Variants in C8orf34 observed in about 807,000 individuals in gnomAD.
The protein encoded by C8orf34 is uncharacterized protein C8orf34.
In C8orf34, 65 loss-of-function variants were observed where a neutral mutation model predicts 68.3. The ratio of observed to expected loss-of-function variants is 0.95; its 90% CI spans 0.78 to 1.17. The LOEUF (loss-of-function observed/expected upper bound fraction) is 1.17, where lower values mean the gene tolerates loss of function less well. Ranked by LOEUF, C8orf34 falls within the 50% of genes most tolerant of loss-of-function variation. C8orf34 has a pLI of 0.00. For missense variants in C8orf34, 664 were observed against 655.4 expected (o/e 1.01, Z -0.14); for synonymous variants, 244 against 241.2 (o/e 1.01, Z -0.11).
intron 8 of C8orf34, among the ~76,000 whole-genome samples, chr8:68,679,670 C>G (rs7815405): frequency 0.069 from 10,509 of 152,206 alleles, 501 homozygotes; most frequent in Non-Finnish European, 0.1. Flanking sequence ...TATTACCTAA[C>G]TCCAAATTAT....
intron 10 of C8orf34, among the ~76,000 whole-genome samples, chr8:68,741,198 A>G (rs560959083): frequency 6.6e-6 from 1 of 152,282 alleles, no homozygotes; most frequent in East Asian, 1.9e-4. Flanking sequence ...TATATAACAA[A>G]CCTGCACATG....
chr8:68,779,768 C>T (rs943236092), intron 11 of C8orf34, among the ~76,000 whole-genome samples: 5 of 151,902 alleles, frequency 3.3e-5, no homozygotes, highest in South Asian at 2.1e-4. Context: ...TTATCATTCA[C>T]GAAGGTTTAC....
intron 5 of C8orf34, among the ~76,000 whole-genome samples, chr8:68,489,010 A>T (rs1563480812): frequency 6.6e-6 from 1 of 152,062 alleles, no homozygotes; most frequent in Non-Finnish European, 1.5e-5. Flanking sequence ...AATAGCAGTG[A>T]TTAAACCATT....
At chr8:68,619,152 A>T (rs879888064) in intron 7 of C8orf34, among the ~76,000 whole-genome samples, 2 of 151,936 alleles carry the variant, frequency 1.3e-5, no homozygotes, top group Non-Finnish European at 2.9e-5. Flanking sequence ...ACATGGTGAA[A>T]TCTCATTTAC....
chr8:68,441,529 A>T lies in C8orf34; in HGVS notation c.475+1883A>T, dbSNP rs186019777. Among the ~76,000 whole-genome samples the T allele has an allele frequency of 5.7e-3, 861 of 151,882 alleles. 8 individuals carry two copies. Among genetic ancestry groups the T allele is most frequent in the African/African-American group, 0.02 (833 of 41,412 alleles). On this transcript the variant is annotated intron_variant, in intron 2 of 13. Transcript: ENST00000518698. ...CTTCTTTAAAATGGAGTTGGGGTCT[A>T]GCTCTATTGTCCAGGCTTCAGTGCA... is the stretch of plus-strand genomic sequence containing the variant.
chr8:68,686,065 A>C (rs1227063962), intron 8 of C8orf34, among the ~76,000 whole-genome samples: 1 of 151,868 alleles, frequency 6.6e-6, no homozygotes, highest in Non-Finnish European at 1.5e-5. Context: ...GAAACATACA[A>C]CCCTCCTAGA....
chr8:68,658,017 T>C (rs1312768924), intron 8 of C8orf34, among the ~76,000 whole-genome samples: 1 of 152,232 alleles, frequency 6.6e-6, no homozygotes, highest in Non-Finnish European at 1.5e-5. Flanking sequence ...GTTTTTTCTT[T>C]ATGAGCAAGA....
At chr8:68,725,228 TA>T in intron 10 of C8orf34, among the ~76,000 whole-genome samples, 1 of 152,328 alleles carries the variant, frequency 6.6e-6, no homozygotes, top group South Asian at 2.1e-4. Context: ...AAGATGAAGA[TA>T]ATTAAGAAAG....
In C8orf34 at chr8:68,446,387, AAAG is replaced by A; in HGVS notation, c.538_540del (p.Lys180del). ...ATGATAAACCTTGGCAATTAAATGC[AAAG>A]AAGCCTAAAAAATCAAAAAGTGACC... On this transcript the variant is annotated inframe_deletion, in exon 3 of 14. Coordinates refer to ENST00000518698, the MANE Select transcript of C8orf34 (RefSeq NM_052958.4). 1 of 1,612,792 alleles carries A rather than the reference AAAG, an allele frequency of 6.2e-7. No individual in the cohort carries two copies. Among genetic ancestry groups the A allele is most frequent in the Middle Eastern group, 1.7e-4 (1 of 6,050 alleles).
In C8orf34 at chr8:68,528,670, A is replaced by T. The variant is rs533970060; in HGVS notation, c.939-4313A>T. ...CACGACCACCAAACTCCAGGGGCAC[A>T]CTGGTGCTACCCGGCAATGCAGCTG... On this transcript the variant is annotated intron_variant, in intron 6 of 13. Coordinates refer to ENST00000518698, the MANE Select transcript of C8orf34 (RefSeq NM_052958.4). Among the ~76,000 whole-genome samples, 50 of 152,296 alleles carry T rather than the reference A, an allele frequency of 3.3e-4. 1 individual carries two copies. Among genetic ancestry groups the T allele is most frequent in the African/African-American group, 1.2e-3 (50 of 41,562 alleles).
At chr8:68,416,519 T>TTATG (rs1233744110) in intron 1 of C8orf34, among the ~76,000 whole-genome samples, 4 of 142,736 alleles carry the variant, frequency 2.8e-5, no homozygotes, top group African/African-American at 5.6e-5. Context: ...ATACATTTAT[T>TTATG]TATTTATTTA....
chr8:68,520,671 G>A (rs186234399), intron 5 of C8orf34, among the ~76,000 whole-genome samples: 1,523 of 149,522 alleles, frequency 0.01, 35 homozygotes, highest in African/African-American at 0.034. Flanking sequence ...CACCGTGTTA[G>A]CCAGGATGGT....
chr8:68,365,063 T>G (rs202054435), intron 1 of C8orf34, among the ~76,000 whole-genome samples: 59,112 of 147,372 alleles, frequency 0.4, 11,861 homozygotes, highest in Non-Finnish European at 0.44. Context: ...ATAAAGGGAA[T>G]ATCACCACCG....
At chr8:68,574,195 A>G (rs2130290716) in intron 7 of C8orf34, among the ~76,000 whole-genome samples, 1 of 152,216 alleles carries the variant, frequency 6.6e-6, no homozygotes, top group East Asian at 1.9e-4. Context: ...ATCTGTATAC[A>G]TATGTAAGTA....
At chr8:68,550,432 TA>T (rs1401002397) in intron 7 of C8orf34, among the ~76,000 whole-genome samples, 3 of 151,882 alleles carry the variant, frequency 2.0e-5, no homozygotes, top group African/African-American at 7.2e-5. Context: ...TTACTTCATA[TA>T]TACATATGCA....
intron 8 of C8orf34, among the ~76,000 whole-genome samples, chr8:68,686,711 G>C (rs1357750681): frequency 1.3e-5 from 2 of 152,084 alleles, no homozygotes. Context: ...TTGAGAACTG[G>C]AACAAGACAA....
intron 4 of C8orf34, among the ~76,000 whole-genome samples, chr8:68,476,938 G>C (rs528616542): frequency 1.3e-4 from 20 of 152,324 alleles, no homozygotes; most frequent in South Asian, 2.1e-4. Context: ...GGTCTGGGTT[G>C]TAATTCAGAG....
At chr8:68,797,498 C>A (rs1163667605) in intron 12 of C8orf34, among the ~76,000 whole-genome samples, 1 of 151,868 alleles carries the variant, frequency 6.6e-6, no homozygotes, top group Non-Finnish European at 1.5e-5. Context: ...GTGGAGCTAC[C>A]ATATTCCATT....
At chr8:68,463,038 C>T (rs903195783) in intron 3 of C8orf34, among the ~76,000 whole-genome samples, 4 of 151,670 alleles carry the variant, frequency 2.6e-5, no homozygotes, top group Non-Finnish European at 2.9e-5. Flanking sequence ...ATTGATAGAC[C>T]GCTAGCAAGA....
Sources: gnomAD v4.1 joint callset for allele counts (sites outside exome capture counted in the v4.1 genomes callset) on GRCh38, gnomAD v4.1.1 for gene constraint, MANE v1.5 for transcripts, NCBI Gene and HGNC (gene_info 2026-07-23, HGNC 2026-07-21) for gene names.